Variants in TJP3 observed in about 807,000 individuals in gnomAD.
TJP3 encodes tight junction protein 3.
TJP3 carries 85 observed loss-of-function variants against 104.2 expected under a neutral mutation model. That is an observed-to-expected ratio of 0.82 (90% CI 0.68 to 0.98). The LOEUF (loss-of-function observed/expected upper bound fraction) is 0.98. Among genes scored for constraint, TJP3 ranks in the 50% least tolerant of loss-of-function variants. TJP3 has a pLI of 0.00. For synonymous variants in TJP3, 550 were observed against 550.6 expected, an observed-to-expected ratio of 1.00 and a Z score of 0.02; for missense variants, 1,367 against 1,322.8, an observed-to-expected ratio of 1.03 and a Z score of -0.52.
chr19:3,728,655 G>A lies in TJP3; in HGVS notation c.100G>A (p.Gly34Ser), dbSNP rs565530437. 35 of 1,613,700 alleles carry A rather than the reference G, an allele frequency of 2.2e-5. No individual in the cohort carries two copies. The highest frequency in any genetic ancestry group is 3.3e-5 in the Admixed American group (2 of 59,998). ...GATCTCTGGAGGCCGAGACCGGCCC[G>A]GTGGATCCATGGTTGTATCTGACGT... Reference protein sequence around the residue: ...IAISGGRDRPGGSMVVSDVVP... With the variant: ...IAISGGRDRPSGSMVVSDVVP... Residue 34 changes from glycine (G) to serine (S), a missense_variant, in exon 3 of 21, where the codon GGT (glycine) becomes AGT (serine). Gly to Ser is a moderately conservative substitution (Grantham distance 56). Coordinates refer to ENST00000541714, the MANE Select transcript of TJP3 (RefSeq NM_001267560.2).
intron 11 of TJP3, among the ~76,000 whole-genome samples, chr19:3,736,558 C>T (rs1321947071): frequency 6.6e-6 from 1 of 152,086 alleles, no homozygotes; most frequent in Non-Finnish European, 1.5e-5. Context: ...GTGCCTTGAC[C>T]TTATCTGGGT....
intron 1 of TJP3, among the ~76,000 whole-genome samples, chr19:3,723,235 A>G (rs745602792): frequency 1.3e-5 from 2 of 152,184 alleles, no homozygotes; most frequent in African/African-American, 2.4e-5. Context: ...CCACACCCCA[A>G]TCATCACATT....
In TJP3 at chr19:3,730,315, C is replaced by T. The variant is rs1295059886; in HGVS notation, c.262-40C>T. 2 of 1,498,822 alleles carry T rather than the reference C, an allele frequency of 1.3e-6. No individual in the cohort carries two copies. Among genetic ancestry groups the T allele is most frequent in the African/African-American group, 1.4e-5 (1 of 71,720 alleles). 92.8% of individuals were successfully genotyped at this position (1,498,822 alleles called of 1,614,324 possible). ...GGGCTGAGCAGAGCCTCCCCCAGCC[C>T]TTGCCTGTAGCTGACCCTTCCTGTC... is the stretch of plus-strand genomic sequence containing the variant. On this transcript the variant is annotated intron_variant, in intron 4 of 20. Transcript: ENST00000541714. This position sits in a 1 kb window ranked among gnomAD's most constrained non-coding sequence, Gnocchi z 7.3.
At chr19:3,731,314 C>A (rs1021153512) in intron 5 of TJP3, among the ~76,000 whole-genome samples, 8 of 152,128 alleles carry the variant, frequency 5.3e-5, no homozygotes, top group African/African-American at 1.9e-4. Context: ...ATCTGGGGGG[C>A]CCAGTGTCAC....
intron 1 of TJP3, among the ~76,000 whole-genome samples, chr19:3,708,995 A>G (rs1161003474): frequency 6.6e-6 from 1 of 151,850 alleles, no homozygotes; most frequent in African/African-American, 2.4e-5. Flanking sequence ...GCCTCCTGGA[A>G]CTTCTTAAAA....
At chr19:3,713,033 C>T (rs1484862312) in intron 1 of TJP3, among the ~76,000 whole-genome samples, 1 of 152,082 alleles carries the variant, frequency 6.6e-6, no homozygotes, top group Non-Finnish European at 1.5e-5. Flanking sequence ...TAGCAGGTTC[C>T]ACACTCCTCC....
chr19:3,746,661 G>C lies in TJP3; in HGVS notation c.2187G>C (p.Gln729His), dbSNP rs2036896675. The change falls in exon 17 of 21, where the codon CAG (glutamine) becomes CAC (histidine). Residue 729 changes from glutamine (Q) to histidine (H), a missense_variant. By Grantham distance (24) the Gln-to-His change is conservative (BLOSUM62 0). Transcript: ENST00000541714. The surrounding 1 kb of genome is among the most constrained non-coding windows in gnomAD (Gnocchi z 4.1). ...CCCGTCGCCTCTACGCACAAGCCCA[G>C]AAGCTGCGAAAACACAGCAGCCACC... ...RSTRRLYAQAQKLRKHSSHLF... is the reference protein window; with the variant it reads ...RSTRRLYAQAHKLRKHSSHLF... 1.2e-6 allele frequency: 2 copies of C among 1,613,120 alleles called. No individual in the cohort carries two copies. Among genetic ancestry groups the C allele is most frequent in the African/African-American group, 2.7e-5 (2 of 74,946 alleles).
chr19:3,746,903 G>GC lies in TJP3; in HGVS notation c.2322+28dup. 6.9e-7 allele frequency: 1 copy of GC among 1,459,058 alleles called. No individual in the cohort carries two copies. The highest frequency in any genetic ancestry group is 9.4e-7 in the Non-Finnish European group (1 of 1,058,626). 90.4% of individuals were successfully genotyped at this position (1,459,058 alleles called of 1,614,324 possible). On this transcript the variant is annotated intron_variant, in intron 18 of 20. Coordinates refer to ENST00000541714, the MANE Select transcript of TJP3 (RefSeq NM_001267560.2). This position sits in a 1 kb window ranked among gnomAD's most constrained non-coding sequence, Gnocchi z 4.1. ...TACTGCCGCGGTGTGGGTGGGTCGGGCAGGGAGGCCCCACAGACGCTGTGC... is the reference window on the plus strand; with the variant it reads ...TACTGCCGCGGTGTGGGTGGGTCGGGCCAGGGAGGCCCCACAGACGCTGTGC...
chr19:3,710,274 G>C lies in TJP3; in HGVS notation c.-10+1713G>C, dbSNP rs191757695. Reference sequence around the variant, plus strand: ...TTCTGGGGTCAAGACGAGCTATCCCGGTCCGAATCGGAGTCTGGTCTCATC... The same window carrying C: ...TTCTGGGGTCAAGACGAGCTATCCCCGTCCGAATCGGAGTCTGGTCTCATC... On this transcript the variant is annotated intron_variant, in intron 1 of 20. Coordinates refer to ENST00000541714, the MANE Select transcript of TJP3 (RefSeq NM_001267560.2). 7.0e-4 allele frequency among the ~76,000 whole-genome samples: 65 copies of C among 93,410 alleles called. 3 individuals are homozygous for C. The East Asian group carries it at 0.042, about 60-fold the overall frequency. 61.3% of individuals were successfully genotyped at this position (93,410 alleles called of 152,430 possible). A position where few individuals can be genotyped will look rare whatever the true frequency, so the allele number is the denominator to read the frequency against.
chr19:3,721,182 G>A (rs1490881720), intron 1 of TJP3, among the ~76,000 whole-genome samples: 1 of 152,162 alleles, frequency 6.6e-6, no homozygotes, highest in East Asian at 1.9e-4. Context: ...TTACAGGCAT[G>A]AGCCACCGCG....
intron 20 of TJP3, 131 bp downstream of exon 20, chr19:3,750,315 G>C (rs2145711853): frequency 3.1e-6 from 4 of 1,296,700 alleles, no homozygotes; most frequent in Middle Eastern, 3.7e-4. Flanking sequence ...GAGCCTGCCA[G>C]AGCCTCTCTA....
At chr19:3,749,029 T>C (rs1294007980) in intron 19 of TJP3, among the ~76,000 whole-genome samples, 2 of 151,450 alleles carry the variant, frequency 1.3e-5, no homozygotes, top group African/African-American at 4.9e-5. Context: ...CAGCTAATTT[T>C]TTTTTTTTTT....
intron 1 of TJP3, among the ~76,000 whole-genome samples, chr19:3,711,947 A>G (rs1254694503): frequency 6.6e-6 from 1 of 151,802 alleles, no homozygotes; most frequent in Non-Finnish European, 1.5e-5. Context: ...CAGCCACTCA[A>G]AGTGCTGGGA....
chr19:3,746,757 T>G lies in TJP3; in HGVS notation c.2222-19T>G. ...CCCAGCCTGAGTCTCCTGCACACAC[T>G]GACGTCCCCTCCCTGCAGCCACCAT... On this transcript the variant is annotated intron_variant, in intron 17 of 20. Transcript: ENST00000541714. This position sits in a 1 kb window ranked among gnomAD's most constrained non-coding sequence, Gnocchi z 4.1. 3 of 1,601,952 alleles carry G rather than the reference T, an allele frequency of 1.9e-6. No individual in the cohort carries two copies. Among genetic ancestry groups the G allele is most frequent in the Non-Finnish European group, 2.6e-6 (3 of 1,174,160 alleles).
At chr19:3,749,745 T>C (rs1006362180) in intron 19 of TJP3, 32 of 238,060 alleles carry the variant, frequency 1.3e-4, no homozygotes, top group African/African-American at 7.0e-4. Flanking sequence ...TAAAAATCTA[T>C]GAATCAATGA....
At chr19:3,743,488 G>A (rs1215449133) in intron 14 of TJP3, among the ~76,000 whole-genome samples, 1 of 152,174 alleles carries the variant, frequency 6.6e-6, no homozygotes, top group Non-Finnish European at 1.5e-5. Context: ...GAACTACTCA[G>A]CTCTGCTCAA....
At chr19:3,731,697 C>T (rs776121002) in intron 5 of TJP3, among the ~76,000 whole-genome samples, 2 of 152,112 alleles carry the variant, frequency 1.3e-5, no homozygotes, top group Non-Finnish European at 2.9e-5. Flanking sequence ...CAATAGAATG[C>T]CCTTAGCCTG....
intron 19 of TJP3, 76 bp downstream of exon 19, chr19:3,748,157 A>C: frequency 6.9e-7 from 1 of 1,446,484 alleles, no homozygotes; most frequent in South Asian, 1.5e-5. Flanking sequence ...ACACACTGGG[A>C]GCCTGTTTTC....
Position 3,740,745 on chromosome 19 carries a change from C to A in TJP3, c.1825C>A (p.Arg609=). The part of the protein sequence containing the change: ...TRQGRYPPYE[R]VVLREASFKR... ...ACAGGGCCGCTACCCGCCCTACGAA[C>A]GAGTGGTGTTGCGAGAAGGTGGGGC... Residue 609 remains arginine, a synonymous_variant, in exon 14 of 21, where the codon CGA becomes AGA. Transcript: ENST00000541714. 6.3e-7 allele frequency: 1 copy of A among 1,586,874 alleles called. No individual in the cohort carries two copies. Among genetic ancestry groups the A allele is most frequent in the Non-Finnish European group, 8.6e-7 (1 of 1,167,544 alleles).
Sources: gnomAD v4.1 joint callset for allele counts (sites outside exome capture counted in the v4.1 genomes callset) on GRCh38, gnomAD v4.1.1 for gene constraint, Gnocchi (gnomAD v3.1) non-coding constraint, MANE v1.5 for transcripts, NCBI Gene and HGNC (gene_info 2026-07-23, HGNC 2026-07-21) for gene names.